The following IL1RAPL1 variants were observed in gnomAD, a reference collection of about 807,000 sequenced individuals.
IL1RAPL1 encodes interleukin 1 receptor accessory protein like 1, also known as interleukin-1 receptor accessory protein-like 1.
In IL1RAPL1, 3 loss-of-function variants were observed where a neutral mutation model predicts 48.4. The ratio of observed to expected loss-of-function variants is 0.06; its 90% CI spans 0.03 to 0.16. The LOEUF is 0.16. Among genes scored for constraint, IL1RAPL1 ranks in the 10% least tolerant of loss-of-function variants. The pLI, the probability that IL1RAPL1 is intolerant of heterozygous loss-of-function variation, is 1.00. For synonymous variants in IL1RAPL1, 185 were observed against 187.7 expected, an observed-to-expected ratio of 0.99 and a Z score of 0.12; for missense variants, 349 against 530.6, an observed-to-expected ratio of 0.66 and a Z score of 3.36.
chrX:29,405,372 A>ATTTT (rs755383338), intron 5 of IL1RAPL1, among the ~76,000 whole-genome samples: 1 of 95,236 alleles, frequency 1.1e-5, no homozygotes, highest in Non-Finnish European at 2.0e-5. Flanking sequence ...TTATTTATTT[A>ATTTT]TTTATTTTTT....
At chrX:29,349,980 AATAGGGTTTC>A (rs1335953978) in intron 3 of IL1RAPL1, among the ~76,000 whole-genome samples, 2 of 107,434 alleles carry the variant, frequency 1.9e-5, no homozygotes, top group Non-Finnish European at 3.8e-5. Flanking sequence ...CACAGAAATT[AATAGGGTTTC>A]ACCATAGATA....
chrX:28,913,475 A>G (rs545559076), intron 2 of IL1RAPL1, among the ~76,000 whole-genome samples: 4 of 111,881 alleles, frequency 3.6e-5, no homozygotes, highest in African/African-American at 1.3e-4. Flanking sequence ...ATTGATGGCA[A>G]GCTCCTCCTT....
At chrX:28,901,941 A>C (rs754101421) in intron 2 of IL1RAPL1, among the ~76,000 whole-genome samples, 3 of 111,607 alleles carry the variant, frequency 2.7e-5, no homozygotes, top group Non-Finnish European at 5.6e-5. Context: ...AATAATGGCT[A>C]TGTGACTCCC....
In IL1RAPL1 at chrX:28,877,021, A is replaced by G. The variant is rs142891905; in HGVS notation, c.82+87596A>G. On this transcript the variant is annotated intron_variant, in intron 2 of 10. Coordinates refer to ENST00000378993, the MANE Select transcript of IL1RAPL1 (RefSeq NM_014271.4). ...TAATCCAATTTTATTATCAGAGGCC[A>G]AAAAGGCTTTGTAGCCTTACATGTT... is the stretch of plus-strand genomic sequence containing the variant. 6.0e-3 allele frequency among the ~76,000 whole-genome samples: 669 copies of G among 112,141 alleles called. 4 individuals carry two copies. Among genetic ancestry groups the G allele is most frequent in the African/African-American group, 0.021 (649 of 30,885 alleles).
intron 6 of IL1RAPL1, among the ~76,000 whole-genome samples, chrX:29,799,369 A>C (rs918791502): frequency 8.9e-6 from 1 of 112,041 alleles, no homozygotes; most frequent in African/African-American, 3.2e-5. Flanking sequence ...TTTCCTTTAC[A>C]TATAAAAATT....
At chrX:28,681,459 A>G (rs73547843) in intron 1 of IL1RAPL1, among the ~76,000 whole-genome samples, 1,228 of 111,830 alleles carry the variant, frequency 0.011, 13 homozygotes, top group African/African-American at 0.038. Context: ...AAAATAGGCA[A>G]ACTTCTAGAA....
rs779624534 is a variant in IL1RAPL1 at position 28,630,180 on chromosome X, C to CT, written c.-25+42142dup. ...TGATTTGCAGTCAGTGATAGATCGACTTTTTTTTTGTTTGTTTCATTTGTC... is the reference window on the plus strand; with the variant it reads ...TGATTTGCAGTCAGTGATAGATCGACTTTTTTTTTTGTTTGTTTCATTTGTC... On this transcript the variant is annotated intron_variant, in intron 1 of 10. Coordinates refer to ENST00000378993, the MANE Select transcript of IL1RAPL1 (RefSeq NM_014271.4). 4.8e-3 allele frequency among the ~76,000 whole-genome samples: 527 copies of CT among 110,357 alleles called. 6 individuals carry two copies. Among genetic ancestry groups the CT allele is most frequent in the African/African-American group, 0.016 (500 of 30,418 alleles).
intron 2 of IL1RAPL1, among the ~76,000 whole-genome samples, chrX:28,960,419 A>G (rs1050734656): frequency 8.9e-6 from 1 of 112,001 alleles, no homozygotes; most frequent in Non-Finnish European, 1.9e-5. Context: ...GCTTGAGTCA[A>G]CCAAACTGTT....
chrX:29,097,970 G>A (rs1928251660), intron 2 of IL1RAPL1, among the ~76,000 whole-genome samples: 2 of 111,688 alleles, frequency 1.8e-5, no homozygotes, highest in Admixed American at 1.9e-4. Flanking sequence ...ACTATGTATG[G>A]ATTTATAAAA....
chrX:28,690,124 G>T (rs1299661850), intron 1 of IL1RAPL1, among the ~76,000 whole-genome samples: 2 of 111,181 alleles, frequency 1.8e-5, no homozygotes, highest in East Asian at 5.7e-4. Flanking sequence ...TGGGGGTAGT[G>T]GATAAATTAG....
Position 29,260,004 on chromosome X carries a change from GTTATTTA to G in IL1RAPL1, c.83-22932_83-22926del, listed in dbSNP as rs906694441. On this transcript the variant is annotated intron_variant, in intron 2 of 10. Coordinates refer to ENST00000378993, the MANE Select transcript of IL1RAPL1 (RefSeq NM_014271.4). ...TAGCTTTTATCTTTTTCCCATGAGA[GTTATTTA>G]TCCAGCATTTTCTTCAATAATTCTA... Among the ~76,000 whole-genome samples the G allele has an allele frequency of 1.8e-4, 20 of 111,865 alleles. No homozygotes were observed. The Admixed American group carries it at 1.8e-3, about 10-fold the overall frequency.
intron 5 of IL1RAPL1, among the ~76,000 whole-genome samples, chrX:29,623,228 A>G (rs1444223067): frequency 1.9e-5 from 2 of 108,095 alleles, no homozygotes; most frequent in Non-Finnish European, 3.8e-5. Context: ...CTTGCCAGCG[A>G]GCCGAGATGC....
intron 5 of IL1RAPL1, among the ~76,000 whole-genome samples, chrX:29,523,205 G>C (rs911096993): frequency 9.0e-6 from 1 of 111,288 alleles, no homozygotes; most frequent in African/African-American, 3.3e-5. Context: ...ATATGCTATA[G>C]TCTCCTGGAA....
rs146907524 is a variant in IL1RAPL1 at position 29,930,453 on chromosome X, C to A, written c.1057+10359C>A. 1.1e-4 allele frequency among the ~76,000 whole-genome samples: 12 copies of A among 111,682 alleles called. No individual in the cohort carries two copies. The East Asian group carries it at 3.4e-3, about 31-fold the overall frequency. ...ATTTTGTAGTACTAGTATTTAAAGC[C>A]ATAGATCAATTACCTATGTTAAGGC... On this transcript the variant is annotated intron_variant, in intron 8 of 10. Coordinates refer to ENST00000378993, the MANE Select transcript of IL1RAPL1 (RefSeq NM_014271.4).
chrX:28,883,924 G>A (rs1054657570), intron 2 of IL1RAPL1, among the ~76,000 whole-genome samples: 21 of 110,689 alleles, frequency 1.9e-4, no homozygotes, highest in African/African-American at 6.9e-4. Flanking sequence ...TTGTTTTTTT[G>A]TTTGTTTGTT....
At chrX:29,724,529 A>G (rs1927725902) in intron 6 of IL1RAPL1, among the ~76,000 whole-genome samples, 1 of 112,118 alleles carries the variant, frequency 8.9e-6, no homozygotes, top group African/African-American at 3.2e-5. Context: ...AGAGTATCAG[A>G]TGTGAATAAG....
At chrX:29,224,557 T>C (rs1029427291) in intron 2 of IL1RAPL1, among the ~76,000 whole-genome samples, 2 of 111,888 alleles carry the variant, frequency 1.8e-5, no homozygotes, top group African/African-American at 6.5e-5. Context: ...TTTATAATAA[T>C]AGTAATCATC....
At chrX:28,596,847 G>A (rs1933961030) in intron 1 of IL1RAPL1, among the ~76,000 whole-genome samples, 1 of 110,945 alleles carries the variant, frequency 9.0e-6, no homozygotes, top group Admixed American at 9.7e-5. Context: ...AGATATGGAA[G>A]GCCACCTGTT....
intron 1 of IL1RAPL1, among the ~76,000 whole-genome samples, chrX:28,780,658 A>G (rs1389483343): frequency 9.0e-6 from 1 of 110,567 alleles, no homozygotes; most frequent in South Asian, 3.8e-4. Flanking sequence ...AAATACATAC[A>G]TATTTTTGTA....
Sources: gnomAD v4.1 joint callset for allele counts (sites outside exome capture counted in the v4.1 genomes callset) on GRCh38, gnomAD v4.1.1 for gene constraint, MANE v1.5 for transcripts, NCBI Gene and HGNC (gene_info 2026-07-23, HGNC 2026-07-21) for gene names.